The following MTIF2 variants were observed in gnomAD, a reference collection of about 807,000 sequenced individuals.
MTIF2 encodes the protein translation initiation factor IF-2, mitochondrial.
Under a neutral mutation model 83.5 loss-of-function variants are expected in MTIF2, and 71 were observed. The ratio of observed to expected loss-of-function variants is 0.85; its 90% CI spans 0.70 to 1.04. The LOEUF (loss-of-function observed/expected upper bound fraction) is 1.04, where lower values mean the gene tolerates loss of function less well. Ranked by LOEUF, MTIF2 falls within the 50% of genes least tolerant of loss-of-function variation. The pLI, the probability that MTIF2 is intolerant of heterozygous loss-of-function variation, is 0.00. For synonymous variants in MTIF2, 319 were observed against 287.1 expected (o/e 1.11, Z -1.12); for missense variants, 957 against 846.5 (o/e 1.13, Z -1.62).
At chr2:55,249,335 T>C in intron 9 of MTIF2, 60 bp downstream of exon 9, 9 of 1,576,508 alleles carry the variant, frequency 5.7e-6, no homozygotes, top group Middle Eastern at 1.7e-4. Flanking sequence ...TGTAATATAC[T>C]GTGTGCATTA....
chr2:55,244,105 G>C lies in MTIF2; in HGVS notation c.1235C>G (p.Pro412Arg). 6.2e-7 allele frequency: 1 copy of C among 1,614,022 alleles called. No homozygotes were observed. The highest frequency in any genetic ancestry group is 8.5e-7 in the Non-Finnish European group (1 of 1,180,004). The change falls in exon 11 of 16, where the codon CCC (proline) becomes CGC (arginine). Residue 412 changes from proline (P) to arginine (R), a missense_variant. Physicochemically the swap from Pro to Arg is moderately radical, Grantham distance 103. Around this residue, in one of 3 missense-constraint regions of MTIF2, gnomAD observed 733 missense variants for 648.7 expected, o/e 1.13. Coordinates refer to ENST00000263629, the MANE Select transcript of MTIF2 (RefSeq NM_002453.3). Reference sequence around the variant, plus strand: ...GCCTGTAATTCCCACTGGCATGCTGGGATAGGCCTCATCAATTGTTTTTCC... The same window carrying C: ...GCCTGTAATTCCCACTGGCATGCTGCGATAGGCCTCATCAATTGTTTTTCC... ...ENGKTIDEAY[P>R]SMPVGITGWR...
Position 55,263,737 on chromosome 2 carries a change from T to C in MTIF2, c.122A>G (p.Tyr41Cys). 1 of 1,614,166 alleles carries C rather than the reference T, an allele frequency of 6.2e-7. No homozygotes were observed. The highest frequency in any genetic ancestry group is 8.5e-7 in the Non-Finnish European group (1 of 1,180,028). ...ACACAGTTGAGCTGTCCACACAGGG[T>C]AAGCAGATGAAAACCCATGCCTCCA... Reference protein sequence around the residue: ...RQWRHGFSSAYPVWTAQLCAW... With the variant: ...RQWRHGFSSACPVWTAQLCAW... The change falls in exon 4 of 16, where the codon TAC becomes TGC. Residue 41 changes from tyrosine (Y) to cysteine (C), a missense_variant. By Grantham distance (194) the Tyr-to-Cys change is radical. Transcript: ENST00000263629.
At chr2:55,266,015 T>C (rs1678401663) in intron 3 of MTIF2, among the ~76,000 whole-genome samples, 1 of 152,178 alleles carries the variant, frequency 6.6e-6, no homozygotes, top group African/African-American at 2.4e-5. Flanking sequence ...TTAGGTTACA[T>C]GTAAATATAC....
At chr2:55,251,587 G>A (rs1347626156) in intron 8 of MTIF2, among the ~76,000 whole-genome samples, 3 of 152,148 alleles carry the variant, frequency 2.0e-5, no homozygotes, top group Non-Finnish European at 4.4e-5. Context: ...GTAAGGGTAG[G>A]GGTACAGTCA....
chr2:55,251,110 CAAAAAAAAAAA>C (rs57949152), intron 8 of MTIF2, among the ~76,000 whole-genome samples: 7 of 71,152 alleles, frequency 9.8e-5, no homozygotes, highest in East Asian at 4.0e-4. Flanking sequence ...AACTCCGTCT[CAAAAAAAAAAA>C]AAAAAAAAAA....
At chr2:55,267,090 A>G (rs1206549971) in intron 3 of MTIF2, among the ~76,000 whole-genome samples, 1 of 151,258 alleles carries the variant, frequency 6.6e-6, no homozygotes, top group Non-Finnish European at 1.5e-5. Flanking sequence ...ATTTCAACCA[A>G]TCTTCCCAAA....
chr2:55,239,372 A>G (rs1214187180), intron 14 of MTIF2, among the ~76,000 whole-genome samples: 1 of 152,228 alleles, frequency 6.6e-6, no homozygotes, highest in African/African-American at 2.4e-5. Context: ...ATGGAGCAGG[A>G]CAAAAATGAG....
chr2:55,252,382 C>A, intron 8 of MTIF2, 95 bp downstream of exon 8: 1 of 1,064,758 alleles, frequency 9.4e-7, no homozygotes, highest in Non-Finnish European at 1.4e-6. Flanking sequence ...CGTATAATAA[C>A]TCTGGGATTG....
At chr2:55,261,293 C>T (rs370005478) in intron 5 of MTIF2, among the ~76,000 whole-genome samples, 1 of 152,132 alleles carries the variant, frequency 6.6e-6, no homozygotes, top group Admixed American at 6.6e-5. Flanking sequence ...TCTCTGCTGG[C>T]CTTACAGATA....
At chr2:55,247,460 G>T (rs938983102) in intron 9 of MTIF2, among the ~76,000 whole-genome samples, 1 of 152,116 alleles carries the variant, frequency 6.6e-6, no homozygotes, top group South Asian at 2.1e-4. Flanking sequence ...GGCTGAGACA[G>T]GAAAATCACT....
Position 55,262,400 on chromosome 2 carries a change from A to T in MTIF2, c.247T>A (p.Ser83Thr). 6.2e-7 allele frequency: 1 copy of T among 1,613,132 alleles called. No homozygotes were observed. Among genetic ancestry groups the T allele is most frequent in the Admixed American group, 1.7e-5 (1 of 59,946 alleles). Residue 83 changes from serine (S) to threonine (T), a missense_variant, in exon 5 of 16, where the codon TCT becomes ACT. Around this residue, in one of 3 missense-constraint regions of MTIF2, gnomAD observed 733 missense variants for 648.7 expected, o/e 1.13. Coordinates refer to ENST00000263629, the MANE Select transcript of MTIF2 (RefSeq NM_002453.3). ...ACCACCTTTTTAGATTTTGTTGAAG[A>T]TAACTGAGATTTCCATGGTCCTTCT... ...KEEGPWKSQL[S>T]STKSKKVVEV...
At chr2:55,259,124 T>C (rs974664915) in intron 5 of MTIF2, among the ~76,000 whole-genome samples, 3 of 152,178 alleles carry the variant, frequency 2.0e-5, no homozygotes, top group Non-Finnish European at 2.9e-5. Flanking sequence ...ATGCATATGG[T>C]ATTAACATAC....
At chr2:55,237,761 A>C (rs1479064882) in intron 14 of MTIF2, among the ~76,000 whole-genome samples, 1 of 140,666 alleles carries the variant, frequency 7.1e-6, no homozygotes, top group African/African-American at 2.7e-5. Context: ...AGCGATTCTC[A>C]TGCCTCAGCC....
At chr2:55,239,378 A>G (rs1291176933) in intron 14 of MTIF2, among the ~76,000 whole-genome samples, 1 of 152,240 alleles carries the variant, frequency 6.6e-6, no homozygotes, top group Non-Finnish European at 1.5e-5. Context: ...CAGGACAAAA[A>G]TGAGGCAAAT....
chr2:55,265,735 T>C (rs1439023952), intron 3 of MTIF2, among the ~76,000 whole-genome samples: 1 of 152,180 alleles, frequency 6.6e-6, no homozygotes, highest in East Asian at 1.9e-4. Flanking sequence ...TTACAACTTT[T>C]TACACTAAAG....
chr2:55,247,690 A>C (rs1004828260), intron 9 of MTIF2, among the ~76,000 whole-genome samples: 11 of 152,228 alleles, frequency 7.2e-5, no homozygotes, highest in African/African-American at 2.7e-4. Context: ...AAAAAGCAGA[A>C]CTAGAGTTGT....
intron 14 of MTIF2, among the ~76,000 whole-genome samples, chr2:55,237,852 T>C (rs1573843919): frequency 6.6e-6 from 1 of 152,006 alleles, no homozygotes; most frequent in Non-Finnish European, 1.5e-5. Context: ...GGTTTCACCA[T>C]GTTGGCCAGG....
At chr2:55,248,755 C>G (rs1676879518) in intron 9 of MTIF2, among the ~76,000 whole-genome samples, 2 of 152,196 alleles carry the variant, frequency 1.3e-5, no homozygotes, top group African/African-American at 4.8e-5. Context: ...GTTTAAATCT[C>G]TTAAATGCTG....
intron 14 of MTIF2, among the ~76,000 whole-genome samples, chr2:55,238,808 A>G (rs950680160): frequency 6.6e-6 from 1 of 152,116 alleles, no homozygotes; most frequent in Non-Finnish European, 1.5e-5. Flanking sequence ...GTGTTATCTG[A>G]CTGGTGTCTT....
Sources: gnomAD v4.1 joint callset for allele counts (sites outside exome capture counted in the v4.1 genomes callset) on GRCh38, gnomAD v4.1.1 for gene constraint, gnomAD v4.1.1 regional missense constraint, MANE v1.5 for transcripts, NCBI Gene and HGNC (gene_info 2026-07-23, HGNC 2026-07-21) for gene names.